SPHKAP: variants seen among roughly 807,000 people sequenced by gnomAD.
SPHKAP encodes SPHK1 interactor, AKAP domain containing.
In SPHKAP, 67 loss-of-function variants were observed where a neutral mutation model predicts 137.5. That is an observed-to-expected ratio of 0.49 (90% CI 0.40 to 0.60). The LOEUF (loss-of-function observed/expected upper bound fraction) is 0.60. Ranked by LOEUF, SPHKAP falls within the 20% of genes least tolerant of loss-of-function variation. SPHKAP has a pLI of 0.00. For synonymous variants in SPHKAP, 813 were observed against 785.3 expected (o/e 1.04, Z -0.59); for missense variants, 2,097 against 2,069.3 (o/e 1.01, Z -0.26).
intron 3 of SPHKAP, among the ~76,000 whole-genome samples, chr2:228,093,859 CAAAAAAAAAAA>C (rs11336381): frequency 3.9e-5 from 3 of 77,134 alleles, no homozygotes; most frequent in Admixed American, 3.8e-4. Context: ...GACTCCGTTT[CAAAAAAAAAAA>C]AAAAAAAAAA....
chr2:228,118,046 A>G (rs1350517516), intron 2 of SPHKAP, among the ~76,000 whole-genome samples: 3 of 151,882 alleles, frequency 2.0e-5, no homozygotes, highest in Admixed American at 6.6e-5. Context: ...TAATTTATTG[A>G]TTTGATTTTT....
chr2:228,090,976 T>G (rs1697709749), intron 3 of SPHKAP, among the ~76,000 whole-genome samples: 1 of 152,208 alleles, frequency 6.6e-6, no homozygotes, highest in Non-Finnish European at 1.5e-5. Flanking sequence ...AAGAGCAGAC[T>G]AATACATATG....
rs979749882 is a variant in SPHKAP at position 228,131,390 on chromosome 2, G to A, written c.138+590C>T. 3.9e-6 allele frequency: 3 copies of A among 773,194 alleles called. No individual in the cohort carries two copies. In the African/African-American group the frequency reaches 5.7e-5, roughly 15 times the overall value. 47.9% of individuals were successfully genotyped at this position (773,194 alleles called of 1,614,324 possible). ...TCGTGGACATTCTACTTCAAGTTTT[G>A]GGGCCTTAGATTTGATTGGCTGGGA... On this transcript the variant is annotated intron_variant, in intron 2 of 11. Coordinates refer to ENST00000392056, the MANE Select transcript of SPHKAP (RefSeq NM_001142644.2).
chr2:228,024,691 T>A (rs1357524425), intron 5 of SPHKAP, among the ~76,000 whole-genome samples: 2 of 152,162 alleles, frequency 1.3e-5, no homozygotes, highest in East Asian at 3.8e-4. Flanking sequence ...GGAAAACAAA[T>A]GCTCATCATT....
intron 1 of SPHKAP, among the ~76,000 whole-genome samples, chr2:228,146,864 T>C (rs1166608885): frequency 1.3e-5 from 2 of 152,218 alleles, no homozygotes; most frequent in African/African-American, 4.8e-5. Flanking sequence ...AGTAAGCTAC[T>C]TATGCATCTG....
chr2:228,004,768 G>A lies in SPHKAP; in HGVS notation c.4449-9074C>T, dbSNP rs556420382. Among the ~76,000 whole-genome samples the A allele has an allele frequency of 1.3e-3, 197 of 152,090 alleles. No homozygotes were observed. In the South Asian group the frequency reaches 0.014, roughly 11 times the overall value. On this transcript the variant is annotated intron_variant, in intron 7 of 11. Coordinates refer to ENST00000392056, the MANE Select transcript of SPHKAP (RefSeq NM_001142644.2). ...TCTGGTATGTTGTGTCTTTGTTCTC[G>A]TTGGTTTCAAAGAACATCTTTATTT... is the stretch of plus-strand genomic sequence containing the variant.
chr2:228,140,561 G>T (rs182812528), intron 1 of SPHKAP, among the ~76,000 whole-genome samples: 1 of 152,220 alleles, frequency 6.6e-6, no homozygotes, highest in East Asian at 1.9e-4. Flanking sequence ...CCGTTTTATA[G>T]AGGAGAAACT....
At chr2:228,076,618 T>C (rs1406495695) in intron 3 of SPHKAP, among the ~76,000 whole-genome samples, 2 of 152,090 alleles carry the variant, frequency 1.3e-5, no homozygotes, top group African/African-American at 4.8e-5. Context: ...AGGGAGATGA[T>C]TTAGGGTATC....
rs564874072 is a variant in SPHKAP at position 228,167,684 on chromosome 2, G to A, written c.32+13883C>T. On this transcript the variant is annotated intron_variant, in intron 1 of 11. Transcript: ENST00000392056. ...TGAAAATAAGTGGGTAAGTCTATTC[G>A]TATACGCAGTCTACCAAAAGTAATT... 3.9e-5 allele frequency among the ~76,000 whole-genome samples: 6 copies of A among 152,178 alleles called. No homozygotes were observed. In the East Asian group the frequency reaches 5.8e-4, roughly 15 times the overall value.
chr2:228,109,391 T>C, intron 2 of SPHKAP: 1 of 984,532 alleles, frequency 1.0e-6, no homozygotes, highest in Non-Finnish European at 1.2e-6. Flanking sequence ...AACTTAGCTT[T>C]GAACTAGTGT....
intron 11 of SPHKAP, among the ~76,000 whole-genome samples, chr2:227,984,376 C>T (rs115683031): frequency 2.8e-4 from 43 of 151,994 alleles, no homozygotes; most frequent in Non-Finnish European, 5.3e-4. Context: ...TCTCACCACC[C>T]TTCTTAGCTT....
At position 228,018,684 on chromosome 2, in the gene SPHKAP, T is replaced by A. The variant is rs777656680; in HGVS notation, c.2170A>T (p.Met724Leu). 1 of 1,614,178 alleles carries A rather than the reference T, an allele frequency of 6.2e-7. No homozygotes were observed. The highest frequency in any genetic ancestry group is 8.5e-7 in the Non-Finnish European group (1 of 1,180,020). ...TCACCAAGCCGTACAATATGACTCA[T>A]CTTCTTGAACGTGAAGCATATCACA... The part of the protein sequence containing the change: ...LDVICFTFKK[M>L]SHIVRLGECP... The change falls in exon 7 of 12, where the codon ATG becomes TTG. Residue 724 changes from methionine (M) to leucine (L), a missense_variant. Transcript: ENST00000392056.
At chr2:228,147,346 T>G (rs999175161) in intron 1 of SPHKAP, among the ~76,000 whole-genome samples, 5 of 152,254 alleles carry the variant, frequency 3.3e-5, no homozygotes, top group Non-Finnish European at 7.4e-5. Context: ...AAACCGTGAG[T>G]GGAAATCTCA....
chr2:228,097,456 G>A (rs1698021556), intron 3 of SPHKAP, among the ~76,000 whole-genome samples: 1 of 152,146 alleles, frequency 6.6e-6, no homozygotes, highest in African/African-American at 2.4e-5. Flanking sequence ...GCAGATTATT[G>A]ACTGAGCACT....
At chr2:227,993,245 G>A (rs1292822078) in intron 9 of SPHKAP, among the ~76,000 whole-genome samples, 1 of 152,134 alleles carries the variant, frequency 6.6e-6, no homozygotes, top group Non-Finnish European at 1.5e-5. Context: ...TAATTTAAAT[G>A]GGTTCTTGCT....
intron 7 of SPHKAP, among the ~76,000 whole-genome samples, chr2:228,003,470 C>T (rs552771547): frequency 5.3e-5 from 8 of 152,204 alleles, no homozygotes; most frequent in African/African-American, 1.2e-4. Context: ...TGAGCTGAAA[C>T]GATGGGGTTT....
At chr2:228,028,425 A>G (rs1369510538) in intron 3 of SPHKAP, among the ~76,000 whole-genome samples, 4 of 152,234 alleles carry the variant, frequency 2.6e-5, no homozygotes, top group Non-Finnish European at 4.4e-5. Context: ...TAGTCTAAAA[A>G]CAATAGCCAT....
At chr2:228,048,929 T>C (rs1696159916) in intron 3 of SPHKAP, among the ~76,000 whole-genome samples, 1 of 152,148 alleles carries the variant, frequency 6.6e-6, no homozygotes, top group African/African-American at 2.4e-5. Context: ...AATCACCTAA[T>C]GACTCAATTC....
chr2:228,153,780 C>T (rs1700011386), intron 1 of SPHKAP, among the ~76,000 whole-genome samples: 1 of 152,024 alleles, frequency 6.6e-6, no homozygotes, highest in Non-Finnish European at 1.5e-5. Context: ...ATAATTTTGT[C>T]ATATTTCTGG....
Sources: allele counts gnomAD v4.1 joint callset (sites outside exome capture counted in the v4.1 genomes callset), GRCh38; gene constraint gnomAD v4.1.1; transcripts MANE v1.5; gene names NCBI Gene and HGNC (gene_info 2026-07-23, HGNC 2026-07-21).